Variants in SLC24A2 observed in about 807,000 individuals in gnomAD.
SLC24A2 encodes the protein solute carrier family 24 member 2.
Under a neutral mutation model 62.0 loss-of-function variants are expected in SLC24A2, and 36 were observed. The ratio of observed to expected loss-of-function variants is 0.58; its 90% CI spans 0.44 to 0.77. The LOEUF (loss-of-function observed/expected upper bound fraction) is 0.77. Among genes scored for constraint, SLC24A2 ranks in the 30% least tolerant of loss-of-function variants. The pLI is 0.00. For missense variants in SLC24A2, 846 were observed against 817.9 expected (o/e 1.03, Z -0.42); for synonymous variants, 358 against 294.0 (o/e 1.22, Z -2.23).
chr9:20,152,613 C>G, the SLC24A2 span, among the ~76,000 whole-genome samples: 1 of 151,872 alleles, frequency 6.6e-6, no homozygotes, highest in African/African-American at 2.4e-5. Context: ...AAACAACAAG[C>G]TGAAATCCAA....
At chr9:19,907,488 A>C in the SLC24A2 span, among the ~76,000 whole-genome samples, 1 of 152,202 alleles carries the variant, frequency 6.6e-6, no homozygotes, top group Non-Finnish European at 1.5e-5. Context: ...GCAATCAGGC[A>C]GGAGAAGGAA....
At chr9:20,039,782 A>G in the SLC24A2 span, among the ~76,000 whole-genome samples, 1 of 152,218 alleles carries the variant, frequency 6.6e-6, no homozygotes, top group South Asian at 2.1e-4. Context: ...TCTCTCCCAT[A>G]TCAGGAAAGA....
intron 7 of SLC24A2, among the ~76,000 whole-genome samples, chr9:19,554,325 G>C (rs567258138): frequency 2.0e-5 from 3 of 152,294 alleles, no homozygotes; most frequent in Non-Finnish European, 2.9e-5. Context: ...AAGCAATACA[G>C]TGTAACAACT....
chr9:19,930,550 A>C, the SLC24A2 span, among the ~76,000 whole-genome samples: 39 of 152,276 alleles, frequency 2.6e-4, no homozygotes, highest in African/African-American at 8.7e-4. Context: ...TACTGCCCCT[A>C]GAGTCTTCTC....
At chr9:19,552,205 C>G (rs1419548908) in intron 7 of SLC24A2, among the ~76,000 whole-genome samples, 1 of 152,188 alleles carries the variant, frequency 6.6e-6, no homozygotes, top group Admixed American at 6.5e-5. Flanking sequence ...TGTGCTGGCT[C>G]TGGTCCCTCT....
At chr9:20,228,815 C>G in the SLC24A2 span, among the ~76,000 whole-genome samples, 2 of 152,084 alleles carry the variant, frequency 1.3e-5, no homozygotes, top group African/African-American at 4.8e-5. Flanking sequence ...GAGGCCGGAG[C>G]TCCCAGCTGA....
the SLC24A2 span, among the ~76,000 whole-genome samples, chr9:20,060,157 T>TA: frequency 7.9e-4 from 119 of 151,432 alleles, no homozygotes; most frequent in Admixed American, 1.9e-3. Context: ...GAATTAGTAA[T>TA]AAAAAAAAAT....
At chr9:20,298,555 A>G in the SLC24A2 span, among the ~76,000 whole-genome samples, 3 of 152,226 alleles carry the variant, frequency 2.0e-5, no homozygotes, top group South Asian at 2.1e-4. Context: ...CATACACACT[A>G]AAGTGAGAGA....
At chr9:19,931,644 A>G in the SLC24A2 span, among the ~76,000 whole-genome samples, 3 of 152,170 alleles carry the variant, frequency 2.0e-5, no homozygotes, top group African/African-American at 7.2e-5. Context: ...GTTATCTTCA[A>G]ATTAGGGTGA....
At chr9:19,535,089 T>C (rs893064353) in intron 8 of SLC24A2, among the ~76,000 whole-genome samples, 11 of 152,204 alleles carry the variant, frequency 7.2e-5, no homozygotes, top group Non-Finnish European at 1.3e-4. Flanking sequence ...TGGTTTTGAT[T>C]TGCATTTCTC....
At chr9:19,996,878 C>A in the SLC24A2 span, among the ~76,000 whole-genome samples, 5 of 151,774 alleles carry the variant, frequency 3.3e-5, no homozygotes, top group Admixed American at 6.6e-5. Context: ...TTATAAGGAG[C>A]CATTAGAAGG....
intron 2 of SLC24A2, among the ~76,000 whole-genome samples, chr9:19,668,968 C>T (rs1819336276): frequency 6.6e-6 from 1 of 152,178 alleles, no homozygotes; most frequent in South Asian, 2.1e-4. Flanking sequence ...TTTCATCAGC[C>T]TGTCTCTGTT....
chr9:19,865,588 A>T, the SLC24A2 span, among the ~76,000 whole-genome samples: 3 of 152,186 alleles, frequency 2.0e-5, no homozygotes, highest in South Asian at 4.1e-4. Flanking sequence ...TGCCAAGAAC[A>T]TACACTGGGG....
chr9:19,569,935 T>C (rs917448422), intron 7 of SLC24A2, among the ~76,000 whole-genome samples: 2 of 152,180 alleles, frequency 1.3e-5, no homozygotes, highest in African/African-American at 2.4e-5. Context: ...TCAAATGCCA[T>C]TTCCTTGGAG....
upstream of SLC24A2, among the ~76,000 whole-genome samples, chr9:19,792,741 G>T (rs1301401819): frequency 6.6e-6 from 1 of 151,596 alleles, no homozygotes. Context: ...GAGTCAGAAA[G>T]TTGTGGGCAA....
intron 2 of SLC24A2, among the ~76,000 whole-genome samples, chr9:19,735,972 G>A (rs577913816): frequency 3.9e-4 from 60 of 152,082 alleles, no homozygotes; most frequent in Admixed American, 1.0e-3. Context: ...AAACCTGTAC[G>A]TTGTGCACAT....
the SLC24A2 span, among the ~76,000 whole-genome samples, chr9:20,008,887 G>A: frequency 6.6e-5 from 10 of 152,054 alleles, no homozygotes; most frequent in Non-Finnish European, 1.0e-4. Flanking sequence ...GGAGTTCTCC[G>A]GCTTCACTCT....
chr9:19,961,204 C>T, the SLC24A2 span, among the ~76,000 whole-genome samples: 14 of 151,244 alleles, frequency 9.3e-5, no homozygotes, highest in Non-Finnish European at 1.8e-4. Flanking sequence ...GTTGTGCACA[C>T]GTACCCTAAA....
chr9:19,550,145 G>T lies in SLC24A2; in HGVS notation c.1471C>A (p.Arg491Ser), dbSNP rs1418543934. The T allele has an allele frequency of 6.2e-7, 1 of 1,613,796 alleles. No individual in the cohort carries two copies. The highest frequency in any genetic ancestry group is 1.1e-5 in the South Asian group (1 of 91,010). The change falls in exon 8 of 11, where the codon CGC becomes AGC. Residue 491 changes from arginine to serine, a missense_variant. By Grantham distance (110) the Arg-to-Ser change is moderately radical. Coordinates refer to ENST00000341998, the MANE Select transcript of SLC24A2 (RefSeq NM_020344.4). The part of the protein sequence containing the change: ...FPLWITLPDV[R>S]KPSSRKFFPI... ...TAAAATGCTTTACTTACAGGTTTGC[G>T]AACGTCAGGTAACGTAATCCAGAGA...
Sources: gnomAD v4.1 joint callset for allele counts (sites outside exome capture counted in the v4.1 genomes callset) on GRCh38, gnomAD v4.1.1 for gene constraint, MANE v1.5 for transcripts, NCBI Gene and HGNC (gene_info 2026-07-23, HGNC 2026-07-21) for gene names.